GORASP1: variants seen among roughly 807,000 people sequenced by gnomAD.
GORASP1 encodes Golgi reassembly-stacking protein 1.
A neutral mutation model predicts 37.7 loss-of-function variants in GORASP1; 31 were observed. That is an observed-to-expected ratio of 0.82 (90% CI 0.62 to 1.11). The LOEUF is 1.11. GORASP1 is among the 50% of genes least tolerant of loss of function. GORASP1 has a pLI of 0.00. For synonymous variants in GORASP1, 204 were observed against 224.8 expected (o/e 0.91, Z 0.83); for missense variants, 476 against 560.7 (o/e 0.85, Z 1.53).
intron 7 of GORASP1, 43 bp downstream of exon 7, chr3:39,099,310 C>T (rs767447733): frequency 3.1e-6 from 5 of 1,611,904 alleles, no homozygotes; most frequent in Non-Finnish European, 4.2e-6. Flanking sequence ...CAAAGTCCAG[C>T]CCCAAGCCTG....
In GORASP1 at chr3:39,103,065, T is replaced by G. The variant is rs991377993; in HGVS notation, c.145-184A>C. The G allele has an allele frequency of 1.6e-6, 1 of 636,726 alleles. No homozygotes were observed. The highest frequency in any genetic ancestry group is 2.8e-6 in the Non-Finnish European group (1 of 357,076). The allele number at this position is 636,726 out of a possible 1,614,324, so 39.4% of individuals were successfully genotyped here. ...AGACCAGGGTTGAGCCTGCAGCCACTGGGACCCCCACCTTCCCCAAGCACT... is the reference window on the plus strand; with the variant it reads ...AGACCAGGGTTGAGCCTGCAGCCACGGGGACCCCCACCTTCCCCAAGCACT... On this transcript the variant is annotated intron_variant, in intron 2 of 8. Coordinates refer to ENST00000319283, the MANE Select transcript of GORASP1 (RefSeq NM_031899.4). This position sits in a 1 kb window ranked among gnomAD's most constrained non-coding sequence, Gnocchi z 5.2.
intron 1 of GORASP1, chr3:39,106,980 C>T (rs987273800): frequency 4.6e-5 from 20 of 439,104 alleles, no homozygotes; most frequent in Admixed American, 4.4e-4. Context: ...CTCGGAAGCC[C>T]TTACGACCCT....
Position 39,102,080 on chromosome 3 carries a change from T to C in GORASP1, c.348+598A>G, listed in dbSNP as rs539173469. 1.2e-3 allele frequency among the ~76,000 whole-genome samples: 129 copies of C among 105,096 alleles called. No individual in the cohort carries two copies. The highest frequency in any genetic ancestry group is 1.7e-3 in the Non-Finnish European group (101 of 59,140). 68.9% of individuals were successfully genotyped at this position (105,096 alleles called of 152,430 possible). On this transcript the variant is annotated intron_variant, in intron 3 of 8. Coordinates refer to ENST00000319283, the MANE Select transcript of GORASP1 (RefSeq NM_031899.4). The surrounding 1 kb of genome is among the most constrained non-coding windows in gnomAD (Gnocchi z 5.0). ...TGACTTCATTGTTGTGCAAACATCA[T>C]AGAACTTAACCTACACATAGCCTAC...
rs867302049 is a variant in GORASP1, at chr3:39,103,353, G to A, written c.144+120C>T. On this transcript the variant is annotated intron_variant, in intron 2 of 8. Coordinates refer to ENST00000319283, the MANE Select transcript of GORASP1 (RefSeq NM_031899.4). The surrounding 1 kb of genome is among the most constrained non-coding windows in gnomAD (Gnocchi z 5.2). ...TACAGCCCTGGAAGAAGGGGAGACA[G>A]GGCTGGGACTCCCTTTAGAAAAAAA... The A allele has an allele frequency of 1.4e-6, 1 of 718,264 alleles. No homozygotes were observed. Among genetic ancestry groups the A allele is most frequent in the Middle Eastern group, 2.6e-4 (1 of 3,810 alleles). The allele number at this position is 718,264 out of a possible 1,614,324, so 44.5% of individuals were successfully genotyped here.
Position 39,098,422 on chromosome 3 carries a change from C to T in GORASP1, c.1137G>A (p.Gln379=), listed in dbSNP as rs1162590556. 8 of 1,614,180 alleles carry T rather than the reference C, an allele frequency of 5.0e-6. No homozygotes were observed. Among genetic ancestry groups the T allele is most frequent in the Non-Finnish European group, 6.8e-6 (8 of 1,180,036 alleles). ...GAGTCAGCTGAGGCAGGTGGTCCGC[C>T]TGGGCTTGGGCACCTGGGCTGTCCA... is the stretch of plus-strand genomic sequence containing the variant. ...SFLDSPGAQA[Q]ADHLPQLTLP... The change falls in exon 9 of 9, where the codon CAG becomes CAA. Residue 379 remains glutamine (Q), a synonymous_variant. Transcript: ENST00000319283. The surrounding 1 kb of genome is among the most constrained non-coding windows in gnomAD (Gnocchi z 4.7).
chr3:39,106,078 T>G (rs1220409428), intron 1 of GORASP1, among the ~76,000 whole-genome samples: 1 of 152,234 alleles, frequency 6.6e-6, no homozygotes, highest in Non-Finnish European at 1.5e-5. Flanking sequence ...TGCTTTATTT[T>G]TATCACTGGT....
chr3:39,106,890 TCTC>T (rs2036174302), intron 1 of GORASP1: 1 of 291,404 alleles, frequency 3.4e-6, no homozygotes, highest in Non-Finnish European at 7.1e-6. Flanking sequence ...CTGCAAACGC[TCTC>T]CTCGAGGATT....
At position 39,102,994 on chromosome 3, in the gene GORASP1, G is replaced by A. The variant is rs2125705965; in HGVS notation, c.145-113C>T. The A allele has an allele frequency of 4.1e-6, 4 of 987,234 alleles. No individual in the cohort carries two copies. Among genetic ancestry groups the A allele is most frequent in the Non-Finnish European group, 4.8e-6 (3 of 620,870 alleles). The allele number at this position is 987,234 out of a possible 1,614,324, so 61.2% of individuals were successfully genotyped here. A position where few individuals can be genotyped will look rare whatever the true frequency, so the allele number is the denominator to read the frequency against. Reference sequence around the variant, plus strand: ...CCTTAGTGGGCAGCAGCCCTCAGCAGGGTCACTGTGGGGATGGGCCAAGGT... The same window carrying A: ...CCTTAGTGGGCAGCAGCCCTCAGCAAGGTCACTGTGGGGATGGGCCAAGGT... On this transcript the variant is annotated intron_variant, in intron 2 of 8. Coordinates refer to ENST00000319283, the MANE Select transcript of GORASP1 (RefSeq NM_031899.4). This position sits in a 1 kb window ranked among gnomAD's most constrained non-coding sequence, Gnocchi z 5.0.
Position 39,096,759 on chromosome 3 carries a change from G to A in GORASP1, c.*1477C>T, listed in dbSNP as rs1197233023. On this transcript the variant is annotated 3_prime_UTR_variant, in exon 9 of 9. Transcript: ENST00000319283. ...AAACCTCTGGTTTCATGTTCTCCCT[G>A]GAAATATTAGCATTGATACCCATTT... is the stretch of plus-strand genomic sequence containing the variant. The A allele has an allele frequency of 6.6e-6, 1 of 152,136 alleles. No homozygotes were observed. Among genetic ancestry groups the A allele is most frequent in the Non-Finnish European group, 1.5e-5 (1 of 68,026 alleles). The allele number at this position is 152,136 out of a possible 1,614,324, so 9.4% of individuals were successfully genotyped here. A position where few individuals can be genotyped will look rare whatever the true frequency, so the allele number is the denominator to read the frequency against.
In GORASP1 at chr3:39,098,350, G is replaced by A. The variant is rs750786715; in HGVS notation, c.1209C>T (p.Ser403=). The change falls in exon 9 of 9, where the codon TCC becomes TCT. Residue 403 remains serine (S), a synonymous_variant. Coordinates refer to ENST00000319283, the MANE Select transcript of GORASP1 (RefSeq NM_031899.4). This position sits in a 1 kb window ranked among gnomAD's most constrained non-coding sequence, Gnocchi z 4.7. ...CAGCCTGAGCTTCAAGCAGCTCGGC[G>A]GACAGCCCATCTTCTGGTGAGGCTG... The part of the protein sequence containing the change: ...TSAASPEDGL[S]AELLEAQAEE... 1.4e-5 allele frequency: 23 copies of A among 1,614,150 alleles called. No individual in the cohort carries two copies. The highest frequency in any genetic ancestry group is 3.3e-5 in the Admixed American group (2 of 60,026).
chr3:39,099,564 T>C (rs2035565503), intron 6 of GORASP1, 61 bp from the exon 7 acceptor site: 3 of 1,546,910 alleles, frequency 1.9e-6, no homozygotes, highest in Middle Eastern at 2.1e-4. Flanking sequence ...GTGAAGAATT[T>C]TGCAGTCCAA....
intron 1 of GORASP1, chr3:39,107,206 G>C (rs762321085): frequency 1.1e-5 from 6 of 537,296 alleles, no homozygotes; most frequent in Non-Finnish European, 2.1e-5. Context: ...CATTCCCGGC[G>C]GCCGGACCAG....
rs976812932 is a variant in GORASP1 at position 39,103,875 on chromosome 3, C to T, written c.64-322G>A. The T allele has an allele frequency of 2.4e-5, 7 of 297,230 alleles. No homozygotes were observed. The highest frequency in any genetic ancestry group is 1.5e-4 in the African/African-American group (7 of 46,156). The allele number at this position is 297,230 out of a possible 1,614,324, so 18.4% of individuals were successfully genotyped here. ...GGCCCAGGCCTGTGGGAATGCTGCT[C>T]TAGAGGGCTAGGCTAGGGTTGGCCG... On this transcript the variant is annotated intron_variant, in intron 1 of 8. Transcript: ENST00000319283. The surrounding 1 kb of genome is among the most constrained non-coding windows in gnomAD (Gnocchi z 5.2).
Position 39,100,950 on chromosome 3 carries a change from G to C in GORASP1, c.435+66C>G. 6.2e-7 allele frequency: 1 copy of C among 1,613,506 alleles called. No individual in the cohort carries two copies. The highest frequency in any genetic ancestry group is 2.2e-5 in the East Asian group (1 of 44,890). On this transcript the variant is annotated intron_variant, in intron 4 of 8. Coordinates refer to ENST00000319283, the MANE Select transcript of GORASP1 (RefSeq NM_031899.4). The surrounding 1 kb of genome is among the most constrained non-coding windows in gnomAD (Gnocchi z 4.6). The stretch of plus-strand genomic sequence containing the variant: ...TCAACAAAACCAGACACTTCTCATG[G>C]ACAGCACCCTTCTCTTCACACCACA...
chr3:39,099,008 T>A, intron 7 of GORASP1, 115 bp from the exon 8 acceptor site: 1 of 1,359,236 alleles, frequency 7.4e-7, no homozygotes, highest in Admixed American at 2.1e-5. Flanking sequence ...TGTAATCTCC[T>A]CAGCCCCTGG....
rs1351815994 is a variant in GORASP1 at position 39,100,465 on chromosome 3, A to G, written c.605T>C (p.Ile202Thr). The G allele has an allele frequency of 9.4e-6, 15 of 1,600,796 alleles. No individual in the cohort carries two copies. Among genetic ancestry groups the G allele is most frequent in the Non-Finnish European group, 1.3e-5 (15 of 1,173,612 alleles). Residue 202 changes from isoleucine (I) to threonine (T), a missense_variant, in exon 6 of 9, where the codon ATC becomes ACC. Transcript: ENST00000319283. The surrounding 1 kb of genome is among the most constrained non-coding windows in gnomAD (Gnocchi z 4.6). ...CGIGYGYLHR[I>T]PTQPPSYHKK... Reference sequence around the variant, plus strand: ...GTGGTAGCTGGGGGGCTGAGTTGGGATCCGGTGTAGATACCCATAGCCAAT... The same window carrying G: ...GTGGTAGCTGGGGGGCTGAGTTGGGGTCCGGTGTAGATACCCATAGCCAAT...
chr3:39,102,809 T>C lies in GORASP1; in HGVS notation c.217A>G (p.Asn73Asp). The change falls in exon 3 of 9, where the codon AAT becomes GAT. Residue 73 changes from asparagine (N) to aspartate (D), a missense_variant. Asn to Asp is a conservative substitution (Grantham distance 23). Transcript: ENST00000319283. The surrounding 1 kb of genome is among the most constrained non-coding windows in gnomAD (Gnocchi z 5.0). ...TCGCGCACCCTCATGGTCTTCATAT[T>C]GAACACCTCCAGCTTCACGGGCTTC... ...VEKPVKLEVF[N>D]MKTMRVREVE... The C allele has an allele frequency of 6.2e-7, 1 of 1,614,200 alleles. No homozygotes were observed.
chr3:39,104,989 A>G (rs2035954602), intron 1 of GORASP1, among the ~76,000 whole-genome samples: 1 of 152,042 alleles, frequency 6.6e-6, no homozygotes, highest in Non-Finnish European at 1.5e-5. Flanking sequence ...AAATCACTCC[A>G]CGTCAGGTGC....
In GORASP1 at chr3:39,099,440, G is replaced by T. The variant is rs976244748; in HGVS notation, c.829C>A (p.His277Asn). The change falls in exon 7 of 9, where the codon CAC becomes AAC. Residue 277 changes from histidine (H) to asparagine (N), a missense_variant. By Grantham distance (68) the His-to-Asn change is moderately conservative. Coordinates refer to ENST00000319283, the MANE Select transcript of GORASP1 (RefSeq NM_031899.4). The stretch of plus-strand genomic sequence containing the variant: ...AGTCCATCAGGGTCTGGAGCACTGT[G>T]GCTGGGACTCCCAGGCCCAGGAAGG... The part of the protein sequence containing the change: ...DPLPGPGSPS[H>N]SAPDPDGLPH... The T allele has an allele frequency of 1.2e-6, 2 of 1,612,108 alleles. No homozygotes were observed. Among genetic ancestry groups the T allele is most frequent in the Non-Finnish European group, 1.7e-6 (2 of 1,179,276 alleles).
Sources: allele counts gnomAD v4.1 joint callset (sites outside exome capture counted in the v4.1 genomes callset), GRCh38; gene constraint gnomAD v4.1.1; non-coding constraint Gnocchi (gnomAD v3.1); transcripts MANE v1.5; gene names NCBI Gene and HGNC (gene_info 2026-07-23, HGNC 2026-07-21).